Variants in SIDT1 observed in about 807,000 individuals in gnomAD.
The protein encoded by SIDT1 is SID1 transmembrane family, member 1.
In SIDT1, 101 loss-of-function variants were observed where a neutral mutation model predicts 107.5. The ratio of observed to expected loss-of-function variants is 0.94; its 90% CI spans 0.80 to 1.11. The LOEUF is 1.11. SIDT1 is among the 50% of genes least tolerant of loss of function. The pLI is 0.00. For synonymous variants in SIDT1, 395 were observed against 398.2 expected (o/e 0.99, Z 0.10); for missense variants, 1,076 against 1,058.2 (o/e 1.02, Z -0.23).
chr3:113,617,748 T>C (rs1339603503), intron 20 of SIDT1, among the ~76,000 whole-genome samples: 1 of 152,208 alleles, frequency 6.6e-6, no homozygotes, highest in East Asian at 1.9e-4. Context: ...AGAGGCTTCC[T>C]TTTTTAATAG....
At chr3:113,619,760 T>C (rs752256280) in intron 21 of SIDT1, 34 bp downstream of exon 21, 9 of 1,591,502 alleles carry the variant, frequency 5.7e-6, no homozygotes, top group Non-Finnish European at 6.9e-6. Flanking sequence ...TTTTTGCCTT[T>C]ATTAATGTCA....
chr3:113,581,094 C>T (rs1327042435), intron 5 of SIDT1, among the ~76,000 whole-genome samples: 1 of 151,620 alleles, frequency 6.6e-6, no homozygotes, highest in East Asian at 1.9e-4. Context: ...GAGGTGTTAA[C>T]GAAAATTGAA....
At chr3:113,549,487 C>T (rs934483381) in intron 1 of SIDT1, among the ~76,000 whole-genome samples, 1 of 152,262 alleles carries the variant, frequency 6.6e-6, no homozygotes, top group South Asian at 2.1e-4. Context: ...TGTTGCTTTG[C>T]ATTTCCCTTT....
intron 20 of SIDT1, 39 bp downstream of exon 20, chr3:113,616,215 A>T: frequency 6.8e-7 from 1 of 1,471,634 alleles, no homozygotes; most frequent in African/African-American, 1.4e-5. Flanking sequence ...CCTGTCCCAG[A>T]AAGCAGGGGA....
chr3:113,606,887 G>T (rs2107695418), intron 14 of SIDT1, 154 bp from the exon 15 acceptor site: 1 of 560,214 alleles, frequency 1.8e-6, no homozygotes, highest in Non-Finnish European at 3.3e-6. Context: ...TGTGTAAGGT[G>T]GCAGATAATG....
At chr3:113,631,544 T>C (rs1947095429), downstream of SIDT1, among the ~76,000 whole-genome samples, 1 of 152,168 alleles carries the variant, frequency 6.6e-6, no homozygotes, top group Non-Finnish European at 1.5e-5. Flanking sequence ...AGACAAGATA[T>C]ATTTATGTGG....
chr3:113,583,715 C>T (rs1262724104), intron 7 of SIDT1, among the ~76,000 whole-genome samples: 2 of 152,206 alleles, frequency 1.3e-5, no homozygotes, highest in African/African-American at 4.8e-5. Context: ...TAGTACATTT[C>T]ATCTTTTTGA....
chr3:113,609,847 A>G lies in SIDT1; in HGVS notation c.1721-1161A>G, dbSNP rs545374190. On this transcript the variant is annotated intron_variant, in intron 17 of 24. Transcript: ENST00000264852. ...TTTGCCTAGATCTACTTTTTAAAGA[A>G]TAAAGCACTGTGATAAAGTTGAGGT... 4.6e-5 allele frequency among the ~76,000 whole-genome samples: 7 copies of G among 152,362 alleles called. No individual in the cohort carries two copies. In the South Asian group the frequency reaches 1.5e-3, roughly 32 times the overall value.
rs199652698 is a variant in SIDT1, at chr3:113,608,183, G to A, written c.1568G>A (p.Arg523Gln). 163 of 1,607,542 alleles carry A rather than the reference G, an allele frequency of 1.0e-4. No homozygotes were observed. The highest frequency in any genetic ancestry group is 3.3e-4 in the Middle Eastern group (2 of 6,060). Reference protein sequence around the residue: ...LIVLRRDILHRRALEAKDIFA... With the variant: ...LIVLRRDILHQRALEAKDIFA... Reference sequence around the variant, plus strand: ...GTCTTGCGCCGCGACATCCTCCATCGGAGAGCCCTGGAAGCCAAGGACATC... The same window carrying A: ...GTCTTGCGCCGCGACATCCTCCATCAGAGAGCCCTGGAAGCCAAGGACATC... Residue 523 changes from arginine to glutamine, a missense_variant, in exon 16 of 25, where the codon CGG becomes CAG. By Grantham distance (43) the Arg-to-Gln change is conservative. Coordinates refer to ENST00000264852, the MANE Select transcript of SIDT1 (RefSeq NM_017699.3).
chr3:113,603,936 T>A, intron 12 of SIDT1, 24 bp from the exon 13 acceptor site: 1 of 1,584,248 alleles, frequency 6.3e-7, no homozygotes. Flanking sequence ...CAGTTTTGCA[T>A]TCTCTTTTTA....
At chr3:113,570,094 C>T (rs1452227329) in intron 3 of SIDT1, among the ~76,000 whole-genome samples, 7 of 152,172 alleles carry the variant, frequency 4.6e-5, no homozygotes, top group Admixed American at 1.3e-4. Context: ...TTAGTAGAGA[C>T]GGATTTGACC....
chr3:113,634,959 TG>T, the SIDT1 span, among the ~76,000 whole-genome samples: 1 of 152,226 alleles, frequency 6.6e-6, no homozygotes, highest in African/African-American at 2.4e-5. Flanking sequence ...CTCTCTAAAC[TG>T]GAACAGCTGG....
chr3:113,623,546 C>G lies in SIDT1; in HGVS notation c.2196+14C>G, dbSNP rs762492649. Reference sequence around the variant, plus strand: ...ATCATCATGAAGGTAAGAGCGGGTGCCGGGAGCGGCTACCTCGGGCCCTCG... The same window carrying G: ...ATCATCATGAAGGTAAGAGCGGGTGGCGGGAGCGGCTACCTCGGGCCCTCG... On this transcript the variant is annotated intron_variant, in intron 22 of 24. Coordinates refer to ENST00000264852, the MANE Select transcript of SIDT1 (RefSeq NM_017699.3). The G allele has an allele frequency of 3.7e-6, 6 of 1,607,538 alleles. No individual in the cohort carries two copies. The Admixed American group carries it at 8.3e-5, about 22-fold the overall frequency.
At chr3:113,604,410 A>C (rs867629265) in intron 13 of SIDT1, among the ~76,000 whole-genome samples, 1 of 152,176 alleles carries the variant, frequency 6.6e-6, no homozygotes, top group Non-Finnish European at 1.5e-5. Flanking sequence ...CAGTTTGGAA[A>C]CCACACCCTT....
intron 1 of SIDT1, among the ~76,000 whole-genome samples, chr3:113,536,594 T>C (rs1938199760): frequency 6.6e-6 from 1 of 152,248 alleles, no homozygotes; most frequent in Admixed American, 6.5e-5. Flanking sequence ...CCATTGCTCC[T>C]AATCTTTCCT....
Position 113,567,653 on chromosome 3 carries a change from C to A in SIDT1, c.458C>A (p.Ala153Glu). 6.2e-7 allele frequency: 1 copy of A among 1,614,114 alleles called. No individual in the cohort carries two copies. Among genetic ancestry groups the A allele is most frequent in the Non-Finnish European group, 8.5e-7 (1 of 1,179,994 alleles). The stretch of plus-strand genomic sequence containing the variant: ...ATATTTGTAGATGTCGCATCCATGG[C>A]ACCCCTGGGTGCTCAGTACAAACTG... ...QLIFVDVASM[A>E]PLGAQYKLLV... The change falls in exon 3 of 25, where the codon GCA (alanine) becomes GAA (glutamate). Residue 153 changes from alanine to glutamate, a missense_variant. Transcript: ENST00000264852.
At chr3:113,623,807 T>A in intron 23 of SIDT1, 74 bp downstream of exon 23, 1 of 949,384 alleles carries the variant, frequency 1.1e-6, no homozygotes, top group Non-Finnish European at 1.7e-6. Flanking sequence ...TACCTCCCTC[T>A]CTTAATGTGT....
intron 1 of SIDT1, among the ~76,000 whole-genome samples, chr3:113,565,483 GC>G (rs1941815973): frequency 6.6e-6 from 1 of 152,056 alleles, no homozygotes; most frequent in Middle Eastern, 3.2e-3. Context: ...CCAAGATCAT[GC>G]CACTGCACTC....
chr3:113,586,381 G>T (rs544643119), intron 9 of SIDT1, among the ~76,000 whole-genome samples: 10 of 152,162 alleles, frequency 6.6e-5, no homozygotes, highest in Non-Finnish European at 1.3e-4. Flanking sequence ...CTACCCATTC[G>T]GGAAAGGAGC....
Sources: allele counts gnomAD v4.1 joint callset (sites outside exome capture counted in the v4.1 genomes callset), GRCh38; gene constraint gnomAD v4.1.1; transcripts MANE v1.5; gene names NCBI Gene and HGNC (gene_info 2026-07-23, HGNC 2026-07-21).